Variants in PEX5L observed in about 807,000 individuals in gnomAD.
PEX5L encodes peroxisomal biogenesis factor 5 like.
A neutral mutation model predicts 84.0 loss-of-function variants in PEX5L; 30 were observed. The observed-to-expected ratio is 0.36, with a 90% CI of 0.27 to 0.48. The LOEUF is 0.48. Ranked by LOEUF, PEX5L falls within the 20% of genes least tolerant of loss-of-function variation. The pLI, the probability that PEX5L is intolerant of heterozygous loss-of-function variation, is 0.99. For missense variants in PEX5L, 533 were observed against 754.6 expected, an observed-to-expected ratio of 0.71 and a Z score of 3.44; for synonymous variants, 270 against 283.1, an observed-to-expected ratio of 0.95 and a Z score of 0.46.
At chr3:179,860,942 A>G (rs1408383970) in intron 7 of PEX5L, among the ~76,000 whole-genome samples, 1 of 152,228 alleles carries the variant, frequency 6.6e-6, no homozygotes, top group Non-Finnish European at 1.5e-5. Flanking sequence ...CCAGGAAGAC[A>G]GAAAACAGAG....
intron 2 of PEX5L, among the ~76,000 whole-genome samples, chr3:179,955,515 G>A (rs1780308687): frequency 6.7e-6 from 1 of 149,152 alleles, no homozygotes. Context: ...GAAGGCACAG[G>A]TGTTAACGAA....
rs1041727824 is a variant in PEX5L, at chr3:179,795,410, TAA to T, written c.*6416_*6417del. On this transcript the variant is annotated 3_prime_UTR_variant, in exon 15 of 15. Transcript: ENST00000467460. The stretch of plus-strand genomic sequence containing the variant: ...GAGTAAATTAAACACATCAATATGA[TAA>T]GAGGTTATTTTTATGGTAGTAATTT... The T allele has an allele frequency of 3.3e-5, 5 of 152,182 alleles. No homozygotes were observed. In the East Asian group the frequency reaches 5.8e-4, roughly 18 times the overall value. The allele number at this position is 152,182 out of a possible 1,614,324, so 9.4% of individuals were successfully genotyped here.
At chr3:179,932,429 T>C (rs951831846) in intron 2 of PEX5L, among the ~76,000 whole-genome samples, 3 of 152,070 alleles carry the variant, frequency 2.0e-5, no homozygotes, top group Non-Finnish European at 2.9e-5. Context: ...ACCAAAAAAG[T>C]CCCAAACAAA....
chr3:179,846,926 T>A (rs1339484659), intron 8 of PEX5L, among the ~76,000 whole-genome samples: 1 of 152,038 alleles, frequency 6.6e-6, no homozygotes, highest in Non-Finnish European at 1.5e-5. Flanking sequence ...AAATGGAAGA[T>A]CTAGAGACAT....
At chr3:179,920,305 C>T (rs1035551738) in intron 2 of PEX5L, among the ~76,000 whole-genome samples, 20 of 152,254 alleles carry the variant, frequency 1.3e-4, no homozygotes, top group Admixed American at 1.3e-3. Context: ...GGGAAATATA[C>T]TCAAGTTTCT....
At chr3:179,976,473 T>C (rs1785802906) in intron 1 of PEX5L, among the ~76,000 whole-genome samples, 1 of 152,146 alleles carries the variant, frequency 6.6e-6, no homozygotes, top group South Asian at 2.1e-4. Context: ...AGTCTCGCTC[T>C]GTCGCCCAGG....
At chr3:179,951,536 C>T (rs1401631316) in intron 2 of PEX5L, among the ~76,000 whole-genome samples, 2 of 152,096 alleles carry the variant, frequency 1.3e-5, no homozygotes, top group Non-Finnish European at 2.9e-5. Flanking sequence ...CTGCTTGCTG[C>T]CTCGAACTCA....
At chr3:179,925,629 T>C (rs16830913) in intron 2 of PEX5L, among the ~76,000 whole-genome samples, 4,018 of 152,338 alleles carry the variant, frequency 0.026, 192 homozygotes, top group African/African-American at 0.092. Flanking sequence ...TGACACAGAA[T>C]CATTGCTGTA....
chr3:179,885,473 T>C (rs1324155623), intron 4 of PEX5L, among the ~76,000 whole-genome samples: 1 of 152,036 alleles, frequency 6.6e-6, no homozygotes, highest in Non-Finnish European at 1.5e-5. Context: ...AGTGAAACCC[T>C]GTCTCTACTA....
chr3:179,971,560 G>A, intron 2 of PEX5L, 34 bp downstream of exon 2: 1 of 1,589,888 alleles, frequency 6.3e-7, no homozygotes, highest in Non-Finnish European at 8.6e-7. Context: ...ATATACAGTA[G>A]AACAGTAGAA....
At chr3:179,964,887 C>A (rs1464782) in intron 2 of PEX5L, among the ~76,000 whole-genome samples, 44,756 of 152,128 alleles carry the variant, frequency 0.29, 7,225 homozygotes, top group African/African-American at 0.42. Context: ...GAACTTATTT[C>A]TTTCTCCCAA....
intron 7 of PEX5L, 117 bp from the exon 8 acceptor site, chr3:179,859,274 C>T (rs1380510731): frequency 4.0e-6 from 3 of 742,558 alleles, no homozygotes; most frequent in Admixed American, 4.6e-5. Context: ...TCATCTGTGA[C>T]TGATGACATT....
chr3:179,844,785 A>C (rs1577507460), intron 8 of PEX5L, among the ~76,000 whole-genome samples: 1 of 152,142 alleles, frequency 6.6e-6, no homozygotes, highest in African/African-American at 2.4e-5. Flanking sequence ...AGCCGAGATC[A>C]TGCCACTGCA....
chr3:180,012,591 T>C (rs897634841), intron 1 of PEX5L, among the ~76,000 whole-genome samples: 1 of 152,072 alleles, frequency 6.6e-6, no homozygotes, highest in Non-Finnish European at 1.5e-5. Context: ...CTGGTCTAGG[T>C]ACTACAAAAA....
intron 8 of PEX5L, among the ~76,000 whole-genome samples, chr3:179,842,823 C>T (rs749785961): frequency 1.3e-5 from 2 of 152,104 alleles, no homozygotes; most frequent in African/African-American, 2.4e-5. Context: ...GGAAAACATA[C>T]TCTGGGCAAT....
intron 2 of PEX5L, among the ~76,000 whole-genome samples, chr3:179,899,023 C>T (rs1486099987): frequency 6.6e-6 from 1 of 151,832 alleles, no homozygotes; most frequent in Non-Finnish European, 1.5e-5. Flanking sequence ...TCTATAGATA[C>T]AAATGTATAT....
intron 3 of PEX5L, 134 bp from the exon 4 acceptor site, chr3:179,887,918 G>A: frequency 1.4e-6 from 1 of 689,848 alleles, no homozygotes; most frequent in Non-Finnish European, 2.5e-6. Context: ...AAATAATGGG[G>A]TGGGGGCAAG....
chr3:179,809,188 A>G (rs1722742280), intron 12 of PEX5L, among the ~76,000 whole-genome samples: 1 of 150,044 alleles, frequency 6.7e-6, no homozygotes, highest in Non-Finnish European at 1.5e-5. Context: ...GGTATTTATT[A>G]TACTTCACCT....
At chr3:179,995,940 C>T (rs1447305198) in intron 1 of PEX5L, among the ~76,000 whole-genome samples, 1 of 152,148 alleles carries the variant, frequency 6.6e-6, no homozygotes, top group African/African-American at 2.4e-5. Context: ...TGTGTAAATT[C>T]TGATGAACCT....
Sources: gnomAD v4.1 joint callset for allele counts (sites outside exome capture counted in the v4.1 genomes callset) on GRCh38, gnomAD v4.1.1 for gene constraint, MANE v1.5 for transcripts, NCBI Gene and HGNC (gene_info 2026-07-23, HGNC 2026-07-21) for gene names.